Variants in ABHD18 observed in about 807,000 individuals in gnomAD.
ABHD18 encodes abhydrolase domain containing 18.
ABHD18 carries 55 observed loss-of-function variants against 65.9 expected under a neutral mutation model. The observed-to-expected ratio is 0.84, with a 90% CI of 0.67 to 1.05. The LOEUF (loss-of-function observed/expected upper bound fraction) is 1.05, where lower values mean the gene tolerates loss of function less well. Ranked by LOEUF, ABHD18 falls within the 50% of genes least tolerant of loss-of-function variation. The pLI, the probability that ABHD18 is intolerant of heterozygous loss-of-function variation, is 0.00. For missense variants in ABHD18, 533 were observed against 558.5 expected (o/e 0.95, Z 0.46); for synonymous variants, 181 against 180.2 (o/e 1.00, Z -0.04).
intron 2 of ABHD18, among the ~76,000 whole-genome samples, chr4:127,984,032 G>A (rs987787842): frequency 1.4e-5 from 2 of 146,350 alleles, no homozygotes; most frequent in Non-Finnish European, 3.0e-5. Flanking sequence ...GCGAGACTCC[G>A]TCTCAAGGGG....
chr4:127,998,713 C>G (rs1035407665), intron 4 of ABHD18, among the ~76,000 whole-genome samples: 2 of 152,082 alleles, frequency 1.3e-5, no homozygotes, highest in Admixed American at 6.6e-5. Flanking sequence ...ACTCCCCTCT[C>G]TCTGCAAATG....
At chr4:127,985,015 T>C (rs1342539567) in intron 3 of ABHD18, among the ~76,000 whole-genome samples, 2 of 152,202 alleles carry the variant, frequency 1.3e-5, no homozygotes, top group Non-Finnish European at 2.9e-5. Flanking sequence ...TTTCTGTCTT[T>C]AGGCTCAGGA....
chr4:127,995,394 C>G (rs1362397058), intron 4 of ABHD18, among the ~76,000 whole-genome samples: 1 of 152,082 alleles, frequency 6.6e-6, no homozygotes, highest in Non-Finnish European at 1.5e-5. Context: ...CTTAAAATAA[C>G]AAAATGTAGA....
intron 10 of ABHD18, 114 bp downstream of exon 10, chr4:128,021,352 A>G: frequency 1.6e-6 from 1 of 634,890 alleles, no homozygotes; most frequent in Non-Finnish European, 2.6e-6. Context: ...TGTACATACT[A>G]TTTTTTACTT....
Position 128,035,894 on chromosome 4 carries a change from G to A in ABHD18, c.*81G>A. The A allele has an allele frequency of 1.2e-6, 1 of 811,858 alleles. No individual in the cohort carries two copies. The highest frequency in any genetic ancestry group is 1.9e-6 in the Non-Finnish European group (1 of 520,020). The allele number at this position is 811,858 out of a possible 1,614,324, so 50.3% of individuals were successfully genotyped here. ...CATCCTGTGATCATGTGAAGGACAA[G>A]CAGACAGCACTAATATATCTAATCG... On this transcript the variant is annotated 3_prime_UTR_variant, in exon 13 of 13. Transcript: ENST00000645843.
intron 10 of ABHD18, among the ~76,000 whole-genome samples, chr4:128,023,309 TA>T (rs1395593415): frequency 1.4e-5 from 2 of 143,130 alleles, no homozygotes; most frequent in Admixed American, 1.5e-4. Context: ...CACATGCCTG[TA>T]ATCACAGCAA....
chr4:127,998,633 A>C (rs1272179303), intron 4 of ABHD18, among the ~76,000 whole-genome samples: 1 of 151,786 alleles, frequency 6.6e-6, no homozygotes, highest in African/African-American at 2.4e-5. Flanking sequence ...CAGCCTCCCA[A>C]GTAGCTGGGA....
At chr4:127,974,420 G>A (rs1313014136) in intron 1 of ABHD18, among the ~76,000 whole-genome samples, 1 of 151,790 alleles carries the variant, frequency 6.6e-6, no homozygotes, top group Admixed American at 6.6e-5. Context: ...CCCTGGCCTG[G>A]AGTGCAGTAG....
At chr4:128,015,253 A>AG (rs1236864685) in intron 7 of ABHD18, among the ~76,000 whole-genome samples, 8 of 152,164 alleles carry the variant, frequency 5.3e-5, no homozygotes, top group Non-Finnish European at 1.0e-4. Flanking sequence ...CTCAAAAAAA[A>AG]GAAAAAAGAA....
At chr4:127,994,642 TA>T (rs1751453613) in intron 4 of ABHD18, among the ~76,000 whole-genome samples, 1 of 152,174 alleles carries the variant, frequency 6.6e-6, no homozygotes, top group African/African-American at 2.4e-5. Flanking sequence ...TAAATAATTT[TA>T]TGGTAACATG....
At chr4:128,014,331 T>A (rs139863221) in intron 7 of ABHD18, among the ~76,000 whole-genome samples, 1 of 152,248 alleles carries the variant, frequency 6.6e-6, no homozygotes, top group African/African-American at 2.4e-5. Flanking sequence ...ATTAGGTATG[T>A]AATTTTTACC....
intron 9 of ABHD18, 59 bp downstream of exon 9, chr4:128,020,228 G>A (rs1421708699): frequency 7.1e-7 from 1 of 1,413,122 alleles, no homozygotes; most frequent in Non-Finnish European, 9.8e-7. Context: ...ATTGTTTTGG[G>A]GGGGTCCCCA....
intron 12 of ABHD18, among the ~76,000 whole-genome samples, chr4:128,032,873 A>T (rs1406168383): frequency 6.6e-6 from 1 of 152,238 alleles, no homozygotes; most frequent in African/African-American, 2.4e-5. Context: ...ACAAGCCCGT[A>T]TTGTAACTTT....
chr4:128,035,618 G>C (rs1758806299), intron 12 of ABHD18, 144 bp from the exon 13 acceptor site: 2 of 537,424 alleles, frequency 3.7e-6, no homozygotes. Context: ...ATTCTGGGGA[G>C]GGTAACTGCC....
At chr4:127,970,311 G>C (rs1746487192) in intron 1 of ABHD18, among the ~76,000 whole-genome samples, 1 of 152,016 alleles carries the variant, frequency 6.6e-6, no homozygotes, top group East Asian at 1.9e-4. Context: ...AAAATAAGTG[G>C]GCCCAGTGTG....
chr4:127,967,732 C>T (rs992179164), intron 1 of ABHD18, among the ~76,000 whole-genome samples: 3 of 150,844 alleles, frequency 2.0e-5, no homozygotes, highest in Admixed American at 6.6e-5. Flanking sequence ...GAAAATGTCT[C>T]TTAGGAACAC....
intron 10 of ABHD18, among the ~76,000 whole-genome samples, chr4:128,025,110 A>T (rs1398958867): frequency 1.3e-5 from 2 of 152,236 alleles, no homozygotes; most frequent in East Asian, 3.8e-4. Context: ...CTTAGGTCCA[A>T]TCCCCATCAA....
At chr4:127,995,995 T>G (rs1298010659) in intron 4 of ABHD18, among the ~76,000 whole-genome samples, 1 of 152,354 alleles carries the variant, frequency 6.6e-6, no homozygotes, top group South Asian at 2.1e-4. Flanking sequence ...TTTATTTAAC[T>G]GTATGGTACT....
At chr4:127,987,788 G>GT (rs957308885) in intron 3 of ABHD18, among the ~76,000 whole-genome samples, 4 of 149,466 alleles carry the variant, frequency 2.7e-5, no homozygotes, top group South Asian at 4.2e-4. Context: ...AAATTGGAAC[G>GT]TTTTTTTGGA....
Sources: gnomAD v4.1 joint callset for allele counts (sites outside exome capture counted in the v4.1 genomes callset) on GRCh38, gnomAD v4.1.1 for gene constraint, MANE v1.5 for transcripts, NCBI Gene and HGNC (gene_info 2026-07-23, HGNC 2026-07-21) for gene names.